DNAJB4: variants seen among roughly 807,000 people sequenced by gnomAD.
The protein encoded by DNAJB4 is dnaJ homolog subfamily B member 4.
A neutral mutation model predicts 26.6 loss-of-function variants in DNAJB4; 10 were observed. That is an observed-to-expected ratio of 0.38 (90% CI 0.23 to 0.64). The LOEUF is 0.64. Among genes scored for constraint, DNAJB4 ranks in the 30% least tolerant of loss-of-function variants. The probability of loss-of-function intolerance (pLI) is 0.58; values close to 1 mark genes in which losing one functional copy is unlikely to be tolerated. For synonymous variants in DNAJB4, 136 were observed against 134.8 expected (o/e 1.01, Z -0.06); for missense variants, 328 against 408.2 (o/e 0.80, Z 1.69).
At chr1:77,995,221 A>G (rs1426640929) in intron 1 of DNAJB4, among the ~76,000 whole-genome samples, 7 of 152,332 alleles carry the variant, frequency 4.6e-5, no homozygotes, top group Non-Finnish European at 8.8e-5. Context: ...TACTAGGTTA[A>G]ATAAAATACA....
intron 1 of DNAJB4, among the ~76,000 whole-genome samples, chr1:78,011,490 T>C (rs1660471763): frequency 1.3e-5 from 2 of 151,486 alleles, no homozygotes; most frequent in Admixed American, 6.6e-5. Context: ...TAATTCTTTT[T>C]TTTTTTTTTT....
At position 78,013,072 on chromosome 1, in the gene DNAJB4, G is replaced by A; in HGVS notation, c.233G>A (p.Gly78Asp). The A allele has an allele frequency of 1.2e-6, 2 of 1,611,204 alleles. No individual in the cohort carries two copies. Among genetic ancestry groups the A allele is most frequent in the Non-Finnish European group, 1.7e-6 (2 of 1,178,434 alleles). The change falls in exon 2 of 3, where the codon GGT becomes GAT. Residue 78 changes from glycine (G) to aspartate (D), a missense_variant. Coordinates refer to ENST00000370763, the MANE Select transcript of DNAJB4 (RefSeq NM_007034.5). ...TTAGGGTTGAAAGGAGGAGCAGGAG[G>A]TACTGATGGACAAGGAGGTACCTTC... The part of the protein sequence containing the change: ...GEEGLKGGAG[G>D]TDGQGGTFRY...
intron 1 of DNAJB4, among the ~76,000 whole-genome samples, chr1:78,009,983 G>GT (rs1156762069): frequency 6.6e-6 from 1 of 152,096 alleles, no homozygotes. Flanking sequence ...ATAGTTGACT[G>GT]TTTAATAGTG....
intron 1 of DNAJB4, among the ~76,000 whole-genome samples, chr1:78,010,692 G>A (rs1242893724): frequency 6.6e-6 from 1 of 152,190 alleles, no homozygotes; most frequent in Non-Finnish European, 1.5e-5. Flanking sequence ...AATGGAAGAA[G>A]CCAAATGCAG....
intron 1 of DNAJB4, among the ~76,000 whole-genome samples, chr1:77,994,547 A>AT (rs556212038): frequency 1.7e-4 from 26 of 150,284 alleles, no homozygotes; most frequent in South Asian, 1.7e-3. Flanking sequence ...GGCTACAGAC[A>AT]TTTTTTTTCT....
intron 1 of DNAJB4, among the ~76,000 whole-genome samples, chr1:78,005,667 T>C (rs1660313898): frequency 6.6e-6 from 1 of 152,240 alleles, no homozygotes; most frequent in African/African-American, 2.4e-5. Flanking sequence ...TCAAAAGTCT[T>C]ATGAAACCTG....
chr1:78,008,164 T>G (rs758068393), intron 1 of DNAJB4, among the ~76,000 whole-genome samples: 1 of 152,050 alleles, frequency 6.6e-6, no homozygotes, highest in Non-Finnish European at 1.5e-5. Context: ...AGTCCAGCCT[T>G]TGCAACATAG....
At chr1:77,983,661 ACT>A (rs1659723086) in intron 1 of DNAJB4, among the ~76,000 whole-genome samples, 1 of 152,132 alleles carries the variant, frequency 6.6e-6, no homozygotes. Flanking sequence ...AATCCATTTA[ACT>A]CTGAGTTGAC....
At chr1:77,981,450 A>G (rs924024348) in intron 1 of DNAJB4, 1 of 151,898 alleles carries the variant, frequency 6.6e-6, no homozygotes, top group Non-Finnish European at 1.5e-5. Flanking sequence ...AGTAGCTGGG[A>G]TGACAGGCAC....
intron 1 of DNAJB4, among the ~76,000 whole-genome samples, chr1:78,012,329 A>T (rs555145005): frequency 1.3e-5 from 2 of 150,644 alleles, no homozygotes; most frequent in African/African-American, 4.9e-5. Flanking sequence ...CACCTGGCTA[A>T]TTTTTTGTAT....
chr1:77,995,272 A>G (rs1394578295), intron 1 of DNAJB4, among the ~76,000 whole-genome samples: 1 of 152,226 alleles, frequency 6.6e-6, no homozygotes, highest in Non-Finnish European at 1.5e-5. Flanking sequence ...CTTTAAAAAA[A>G]TATGGTTTCT....
upstream of DNAJB4, among the ~76,000 whole-genome samples, chr1:78,000,754 C>A (rs750504180): frequency 6.6e-6 from 1 of 151,904 alleles, no homozygotes; most frequent in Non-Finnish European, 1.5e-5. Flanking sequence ...GAGGCCAAGG[C>A]GGGTGAATCA....
At chr1:77,987,187 A>G (rs984666318) in intron 1 of DNAJB4, among the ~76,000 whole-genome samples, 4 of 152,190 alleles carry the variant, frequency 2.6e-5, no homozygotes, top group African/African-American at 7.2e-5. Flanking sequence ...CTAGGACTCA[A>G]TCCTTGTGCC....
At chr1:77,982,220 T>C (rs1273418248) in intron 1 of DNAJB4, among the ~76,000 whole-genome samples, 3 of 152,252 alleles carry the variant, frequency 2.0e-5, no homozygotes, top group Non-Finnish European at 4.4e-5. Flanking sequence ...CCTAGATGTT[T>C]CCAAACAGCT....
chr1:77,998,115 C>T (rs747900368), intron 1 of DNAJB4, among the ~76,000 whole-genome samples: 2 of 152,136 alleles, frequency 1.3e-5, no homozygotes, highest in Non-Finnish European at 2.9e-5. Flanking sequence ...GATCTCATTT[C>T]GTTATTAACT....
At chr1:77,981,355 C>T (rs1659640903) in intron 1 of DNAJB4, 1 of 150,980 alleles carries the variant, frequency 6.6e-6, no homozygotes, top group South Asian at 2.1e-4. Flanking sequence ...CTCACCCTGT[C>T]ACCCAGACTG....
Position 78,017,154 on chromosome 1 carries a change from A to G in DNAJB4, c.*907A>G, listed in dbSNP as rs1660661799. On this transcript the variant is annotated 3_prime_UTR_variant, in exon 3 of 3. Transcript: ENST00000370763. ...CCTAAAAAGAATGAACTACCACTAC[A>G]CTATGGTGTTAAACCAAAATATAGG... 6.6e-6 allele frequency: 1 copy of G among 152,052 alleles called. No homozygotes were observed. Among genetic ancestry groups the G allele is most frequent in the African/African-American group, 2.4e-5 (1 of 41,446 alleles). 9.4% of individuals were successfully genotyped at this position (152,052 alleles called of 1,614,324 possible).
At chr1:77,995,698 T>C (rs899291324) in intron 1 of DNAJB4, among the ~76,000 whole-genome samples, 3 of 152,208 alleles carry the variant, frequency 2.0e-5, no homozygotes, top group African/African-American at 7.2e-5. Flanking sequence ...AGTGATCCTT[T>C]TGCCTTGGCT....
chr1:77,980,081 C>T (rs962706872), upstream of DNAJB4: 10 of 152,154 alleles, frequency 6.6e-5, no homozygotes, highest in African/African-American at 2.4e-4. Context: ...GACGGGGTTT[C>T]ACCGTGTTAG....
Sources: allele counts gnomAD v4.1 joint callset (sites outside exome capture counted in the v4.1 genomes callset), GRCh38; gene constraint gnomAD v4.1.1; transcripts MANE v1.5; gene names NCBI Gene and HGNC (gene_info 2026-07-23, HGNC 2026-07-21).